SOX6: variants seen among roughly 807,000 people sequenced by gnomAD.
SOX6 encodes SRY-box transcription factor 6.
SOX6 carries 11 observed loss-of-function variants against 97.8 expected under a neutral mutation model. That is an observed-to-expected ratio of 0.11 (90% CI 0.07 to 0.19). The LOEUF (loss-of-function observed/expected upper bound fraction) is 0.19, where lower values mean the gene tolerates loss of function less well. SOX6 is among the 10% of genes least tolerant of loss of function. The pLI is 1.00. For synonymous variants in SOX6, 360 were observed against 371.4 expected, an observed-to-expected ratio of 0.97 and a Z score of 0.35; for missense variants, 810 against 1,039.5, an observed-to-expected ratio of 0.78 and a Z score of 3.04.
At chr11:16,707,740 C>T (rs1848148312) in intron 3 of SOX6, among the ~76,000 whole-genome samples, 1 of 152,096 alleles carries the variant, frequency 6.6e-6, no homozygotes, top group Non-Finnish European at 1.5e-5. Flanking sequence ...AAAACCTTTA[C>T]AGTAATTCTA....
At chr11:16,702,623 A>G (rs1848103364) in intron 3 of SOX6, among the ~76,000 whole-genome samples, 1 of 152,174 alleles carries the variant, frequency 6.6e-6, no homozygotes, top group South Asian at 2.1e-4. Flanking sequence ...GTCCAAGGAC[A>G]CTGGCTAGCT....
At chr11:16,019,071 T>C (rs748183050) in intron 12 of SOX6, among the ~76,000 whole-genome samples, 4 of 152,102 alleles carry the variant, frequency 2.6e-5, no homozygotes, top group Non-Finnish European at 5.9e-5. Flanking sequence ...TCAAACCATA[T>C]GCGAAGTGAC....
intron 4 of SOX6, among the ~76,000 whole-genome samples, chr11:16,213,339 T>C (rs535796489): frequency 6.6e-6 from 1 of 152,272 alleles, no homozygotes; most frequent in African/African-American, 2.4e-5. Flanking sequence ...TCTTTAGTAT[T>C]TTCCTTAGCA....
intron 1 of SOX6, among the ~76,000 whole-genome samples, chr11:16,407,557 TCA>T: frequency 6.6e-6 from 1 of 152,252 alleles, no homozygotes; most frequent in East Asian, 1.9e-4. Context: ...GTCTTTCCAC[TCA>T]CAGACACACA....
chr11:16,617,530 CAT>C (rs1284273195), intron 3 of SOX6, among the ~76,000 whole-genome samples: 1 of 151,842 alleles, frequency 6.6e-6, no homozygotes, highest in Non-Finnish European at 1.5e-5. Context: ...GCATCAGCAT[CAT>C]GATATGGTTG....
At chr11:16,097,809 C>T in intron 7 of SOX6, 121 bp from the exon 8 acceptor site, 1 of 943,684 alleles carries the variant, frequency 1.1e-6, no homozygotes. Context: ...CAAACATCTG[C>T]AGAAACAAAA....
At chr11:16,647,664 A>T (rs1038778378) in intron 3 of SOX6, among the ~76,000 whole-genome samples, 3 of 152,192 alleles carry the variant, frequency 2.0e-5, no homozygotes, top group Non-Finnish European at 4.4e-5. Context: ...GTTCCATGAA[A>T]CAGGTGGAAA....
chr11:16,082,635 C>A (rs558760635), intron 9 of SOX6, among the ~76,000 whole-genome samples: 2 of 152,166 alleles, frequency 1.3e-5, no homozygotes, highest in East Asian at 3.8e-4. Context: ...TCATTTGCCA[C>A]AGGGTACCAT....
chr11:16,480,643 T>TA (rs920497067), upstream of SOX6, among the ~76,000 whole-genome samples: 3 of 54,096 alleles, frequency 5.5e-5, no homozygotes, highest in Admixed American at 5.1e-4. Context: ...CTGTTTTTAG[T>TA]AACCCCCCCC....
intron 1 of SOX6, among the ~76,000 whole-genome samples, chr11:16,390,039 C>T (rs1406418238): frequency 6.8e-6 from 1 of 146,788 alleles, no homozygotes; most frequent in Non-Finnish European, 1.5e-5. Flanking sequence ...TTTGTCTTAC[C>T]TGCAGTAAGC....
chr11:16,049,666 T>G, intron 11 of SOX6, 89 bp downstream of exon 11: 1 of 1,480,728 alleles, frequency 6.8e-7, no homozygotes, highest in Non-Finnish European at 9.3e-7. Flanking sequence ...AAGGAGCACT[T>G]TGGAAACAAG....
chr11:16,543,567 A>G (rs1861439875), intron 4 of SOX6, among the ~76,000 whole-genome samples: 1 of 152,178 alleles, frequency 6.6e-6, no homozygotes, highest in South Asian at 2.1e-4. Context: ...CCTACTACCT[A>G]TAATACATAA....
intron 3 of SOX6, among the ~76,000 whole-genome samples, chr11:16,666,586 A>G (rs1368529549): frequency 1.3e-5 from 2 of 152,158 alleles, no homozygotes; most frequent in Non-Finnish European, 2.9e-5. Flanking sequence ...CAGGCAGATC[A>G]CTTGAGATTA....
rs576233361 is a variant in SOX6, at chr11:16,326,701, G to GT, written c.238-8049dup. 6.2e-4 allele frequency among the ~76,000 whole-genome samples: 95 copies of GT among 152,190 alleles called. 1 individual carries two copies. The South Asian group carries it at 0.015, about 24-fold the overall frequency. On this transcript the variant is annotated intron_variant, in intron 2 of 15. Transcript: ENST00000683767. ...TAACTTGTATTACTTATGTATTGTT[G>GT]TATAAGAAATCATCCAAAAACAAAG...
intron 1 of SOX6, among the ~76,000 whole-genome samples, chr11:16,401,445 C>A (rs1858556159): frequency 6.6e-6 from 1 of 151,510 alleles, no homozygotes; most frequent in East Asian, 1.9e-4. Flanking sequence ...TTCCATCTCT[C>A]CTCAATCACT....
intron 11 of SOX6, 121 bp from the exon 12 acceptor site, chr11:16,046,822 AT>A: frequency 3.9e-6 from 4 of 1,030,802 alleles, no homozygotes; most frequent in Non-Finnish European, 5.8e-6. Context: ...CACATTTGCT[AT>A]TTTTTAAACT....
intron 1 of SOX6, among the ~76,000 whole-genome samples, chr11:16,375,503 G>GA (rs541176443): frequency 3.3e-3 from 441 of 134,160 alleles, no homozygotes; most frequent in Admixed American, 6.1e-3. Context: ...GTACAGAAAA[G>GA]AAAAAAAAAA....
rs117921341 is a variant in SOX6 at position 16,187,993 on chromosome 11, C to T, written c.536-1038G>A. 6.8e-3 allele frequency among the ~76,000 whole-genome samples: 1,033 copies of T among 152,234 alleles called. 5 individuals are homozygous for T. Among genetic ancestry groups the T allele is most frequent in the Non-Finnish European group, 8.8e-3 (599 of 68,008 alleles). On this transcript the variant is annotated intron_variant, in intron 4 of 15. Coordinates refer to ENST00000683767, the MANE Select transcript of SOX6 (RefSeq NM_001367873.1). ...ATTTTTGTGTGTGCAGAAGGAGAGA[C>T]TTCCAACCTCCTTATGAAACCCCCT...
chr11:16,694,619 T>G (rs952907166), intron 3 of SOX6, among the ~76,000 whole-genome samples: 1 of 152,242 alleles, frequency 6.6e-6, no homozygotes, highest in African/African-American at 2.4e-5. Context: ...TAATAGTATT[T>G]ATGTAATATT....
Sources: allele counts gnomAD v4.1 joint callset (sites outside exome capture counted in the v4.1 genomes callset), GRCh38; gene constraint gnomAD v4.1.1; transcripts MANE v1.5; gene names NCBI Gene and HGNC (gene_info 2026-07-23, HGNC 2026-07-21).